CNTN5: variants seen among roughly 807,000 people sequenced by gnomAD.
CNTN5 encodes contactin-5.
A neutral mutation model predicts 129.1 loss-of-function variants in CNTN5; 77 were observed. That is an observed-to-expected ratio of 0.60 (90% CI 0.50 to 0.72). The LOEUF is 0.72. Among genes scored for constraint, CNTN5 ranks in the 30% least tolerant of loss-of-function variants. CNTN5 has a pLI of 0.00. For missense variants in CNTN5, 1,478 were observed against 1,328.8 expected (o/e 1.11, Z -1.75); for synonymous variants, 509 against 465.6 (o/e 1.09, Z -1.20).
intron 2 of CNTN5, among the ~76,000 whole-genome samples, chr11:99,328,261 C>T (rs1004210716): frequency 1.3e-5 from 2 of 152,140 alleles, no homozygotes; most frequent in African/African-American, 2.4e-5. Context: ...GGAAGGTGGA[C>T]GGAGACAGTT....
At chr11:99,115,423 A>G (rs11218441) in intron 1 of CNTN5, among the ~76,000 whole-genome samples, 5,258 of 152,280 alleles carry the variant, frequency 0.035, 303 homozygotes, top group African/African-American at 0.12. Flanking sequence ...AATATAAATT[A>G]GAAATCAGTG....
intron 1 of CNTN5, among the ~76,000 whole-genome samples, chr11:99,251,650 T>G (rs1238999759): frequency 6.6e-6 from 1 of 151,998 alleles, no homozygotes; most frequent in African/African-American, 2.4e-5. Context: ...CTATAACAAT[T>G]GTCAAGCAGA....
intron 3 of CNTN5, among the ~76,000 whole-genome samples, chr11:99,639,447 AGAAAATGGGTTTTTATTTTCTATT>A: frequency 6.6e-6 from 1 of 152,286 alleles, no homozygotes; most frequent in East Asian, 1.9e-4. Flanking sequence ...ATTTCTTCCC[AGAAAATGGGTTTTTATTTTCTATT>A]GCATAGTCAG....
chr11:99,712,573 T>C (rs894850159), intron 3 of CNTN5, among the ~76,000 whole-genome samples: 5 of 152,136 alleles, frequency 3.3e-5, no homozygotes, highest in Non-Finnish European at 7.4e-5. Flanking sequence ...TCCTGAATGG[T>C]ATTGCCTAGG....
intron 17 of CNTN5, among the ~76,000 whole-genome samples, chr11:100,261,018 A>C (rs959568603): frequency 6.6e-6 from 1 of 152,202 alleles, no homozygotes; most frequent in Non-Finnish European, 1.5e-5. Flanking sequence ...CTCTGTTTGC[A>C]CATGACATGA....
chr11:99,338,105 AT>A (rs1866318324), intron 2 of CNTN5, among the ~76,000 whole-genome samples: 1 of 152,194 alleles, frequency 6.6e-6, no homozygotes, highest in African/African-American at 2.4e-5. Flanking sequence ...TTCCATTTAC[AT>A]TAGCATTATA....
intron 7 of CNTN5, among the ~76,000 whole-genome samples, chr11:99,953,201 C>T (rs1435881326): frequency 6.6e-6 from 1 of 152,114 alleles, no homozygotes; most frequent in Non-Finnish European, 1.5e-5. Context: ...AAATGAGCAT[C>T]ATTGTCCACA....
intron 3 of CNTN5, among the ~76,000 whole-genome samples, chr11:99,815,677 C>T (rs1176596946): frequency 1.3e-5 from 2 of 152,156 alleles, no homozygotes; most frequent in African/African-American, 2.4e-5. Flanking sequence ...AGGCAGGAAG[C>T]TATGATACTG....
intron 2 of CNTN5, among the ~76,000 whole-genome samples, chr11:99,543,824 G>T (rs1710750326): frequency 6.7e-6 from 1 of 149,222 alleles, no homozygotes; most frequent in African/African-American, 2.5e-5. Flanking sequence ...AGGCTGCTGT[G>T]GCAGGAGAAT....
chr11:99,843,033 C>T (rs531449114), intron 4 of CNTN5, among the ~76,000 whole-genome samples: 1 of 152,192 alleles, frequency 6.6e-6, no homozygotes, highest in East Asian at 1.9e-4. Flanking sequence ...GAGTGTGAGA[C>T]CAGCCTGGCC....
chr11:99,410,529 A>G (rs547650340), intron 2 of CNTN5, among the ~76,000 whole-genome samples: 39 of 152,190 alleles, frequency 2.6e-4, no homozygotes, highest in Middle Eastern at 3.4e-3. Flanking sequence ...TTTTTTTGCA[A>G]GTATTTATTC....
At chr11:99,236,690 T>C (rs1308047167) in intron 1 of CNTN5, among the ~76,000 whole-genome samples, 4 of 152,196 alleles carry the variant, frequency 2.6e-5, no homozygotes, top group African/African-American at 9.6e-5. Context: ...CAGAATGTTG[T>C]TCTGATAAGC....
chr11:99,742,521 A>C (rs1056580967), intron 3 of CNTN5, among the ~76,000 whole-genome samples: 38 of 152,286 alleles, frequency 2.5e-4, no homozygotes, highest in African/African-American at 9.1e-4. Flanking sequence ...TGTGGTAAGA[A>C]GGAGGAAAAA....
intron 2 of CNTN5, among the ~76,000 whole-genome samples, chr11:99,541,635 C>T (rs11220375): frequency 6.6e-6 from 1 of 152,140 alleles, no homozygotes; most frequent in South Asian, 2.1e-4. Flanking sequence ...GTCAAGGTTT[C>T]TCAGCCTCAG....
chr11:99,562,496 T>A (rs997796878), intron 3 of CNTN5, among the ~76,000 whole-genome samples: 1 of 152,114 alleles, frequency 6.6e-6, no homozygotes, highest in African/African-American at 2.4e-5. Flanking sequence ...ACAAATAAAA[T>A]ATAAATATTA....
chr11:99,872,265 T>A (rs567131149), intron 6 of CNTN5, among the ~76,000 whole-genome samples: 1 of 152,254 alleles, frequency 6.6e-6, no homozygotes, highest in African/African-American at 2.4e-5. Context: ...GGCTTTTGTT[T>A]CTTTGCTTTA....
At chr11:99,865,503 T>C (rs1204095793) in intron 6 of CNTN5, among the ~76,000 whole-genome samples, 2 of 151,780 alleles carry the variant, frequency 1.3e-5, no homozygotes, top group African/African-American at 4.8e-5. Context: ...TAACAAAATA[T>C]ATATATTGAA....
At chr11:100,312,506 T>C (rs1316606844) in intron 21 of CNTN5, among the ~76,000 whole-genome samples, 2 of 152,064 alleles carry the variant, frequency 1.3e-5, no homozygotes, top group African/African-American at 4.8e-5. Context: ...ATTACTAAAA[T>C]ATAATGAACC....
chr11:99,289,680 T>A (rs79162790), intron 1 of CNTN5, among the ~76,000 whole-genome samples: 2,931 of 151,924 alleles, frequency 0.019, 80 homozygotes, highest in African/African-American at 0.066. Context: ...TTCAGACCCA[T>A]TTTTTATCTC....
Sources: allele counts gnomAD v4.1 joint callset (sites outside exome capture counted in the v4.1 genomes callset), GRCh38; gene constraint gnomAD v4.1.1; transcripts MANE v1.5; gene names NCBI Gene and HGNC (gene_info 2026-07-23, HGNC 2026-07-21).